The following ANLN variants were observed in gnomAD, a reference collection of about 807,000 sequenced individuals.
ANLN encodes the protein anillin.
A neutral mutation model predicts 135.1 loss-of-function variants in ANLN; 59 were observed. The observed-to-expected ratio is 0.44, with a 90% CI of 0.35 to 0.54. The LOEUF (loss-of-function observed/expected upper bound fraction) is 0.54, where lower values mean the gene tolerates loss of function less well. Among genes scored for constraint, ANLN ranks in the 20% least tolerant of loss-of-function variants. The pLI is 0.00. For synonymous variants in ANLN, 406 were observed against 456.4 expected (o/e 0.89, Z 1.41); for missense variants, 1,182 against 1,340.0 (o/e 0.88, Z 1.84).
chr7:36,452,217 A>G (rs1431828881), intron 23 of ANLN, among the ~76,000 whole-genome samples: 1 of 152,220 alleles, frequency 6.6e-6, no homozygotes, highest in Non-Finnish European at 1.5e-5. Context: ...CTACCTGTAT[A>G]AAACACCTGT....
Position 36,389,933 on chromosome 7 carries a change from T to A in ANLN, c.-94T>A, listed in dbSNP as rs1786348277. The A allele has an allele frequency of 1.2e-6, 2 of 1,608,824 alleles. No homozygotes were observed. The highest frequency in any genetic ancestry group is 1.7e-5 in the Admixed American group (1 of 59,942). ...GAGTTCCCCCGCCTCAGACTCCTGG[T>A]TTTTTCCAGGAGACACACTGAGCTG... On this transcript the variant is annotated 5_prime_UTR_variant, in exon 1 of 24. Transcript: ENST00000265748.
intron 1 of ANLN, among the ~76,000 whole-genome samples, chr7:36,393,140 C>T (rs1786553220): frequency 6.6e-6 from 1 of 151,922 alleles, no homozygotes; most frequent in Non-Finnish European, 1.5e-5. Context: ...TCACCTGCCT[C>T]AGCCTCCCAA....
chr7:36,419,295 C>G lies in ANLN; in HGVS notation c.1685C>G (p.Ser562Trp), dbSNP rs371785488. 1 of 1,613,824 alleles carries G rather than the reference C, an allele frequency of 6.2e-7. No individual in the cohort carries two copies. Among genetic ancestry groups the G allele is most frequent in the South Asian group, 1.1e-5 (1 of 91,036 alleles). ...MSVDDDDINS[S>W]KVINDLFSDV... is the part of the protein sequence containing the mutation. ...GTGGATGATGATGATATCAATAGTT[C>G]GAAAGTAATTAATGACCTCTTCAGT... is the stretch of plus-strand genomic sequence containing the variant. The change falls in exon 10 of 24, where the codon TCG becomes TGG. Residue 562 changes from serine to tryptophan, a missense_variant. By Grantham distance (177) the Ser-to-Trp change is radical. This residue lies in a region of ANLN where 1,022 missense variants were observed against 1,134.0 expected (regional missense o/e 0.90). Transcript: ENST00000265748.
intron 3 of ANLN, among the ~76,000 whole-genome samples, 199 bp downstream of exon 3, chr7:36,399,592 G>A (rs577221705): frequency 6.6e-6 from 1 of 152,276 alleles, no homozygotes; most frequent in East Asian, 1.9e-4. Context: ...TCACGATGTG[G>A]TTCTTGGACT....
At chr7:36,449,174 T>G (rs1789137902) in intron 22 of ANLN, 1 of 152,402 alleles carries the variant, frequency 6.6e-6, no homozygotes, top group Non-Finnish European at 1.5e-5. Flanking sequence ...TTTCCTCCAC[T>G]TTGACTCGTA....
At chr7:36,420,070 A>AT (rs1787810598) in intron 10 of ANLN, 99 bp from the exon 11 acceptor site, 3 of 1,219,826 alleles carry the variant, frequency 2.5e-6, no homozygotes, top group Non-Finnish European at 3.4e-6. Context: ...AGCTTACTGG[A>AT]TTTTTTTCTT....
chr7:36,416,992 C>G, intron 8 of ANLN, 88 bp from the exon 9 acceptor site: 2 of 693,618 alleles, frequency 2.9e-6, no homozygotes, highest in Non-Finnish European at 4.5e-6. Flanking sequence ...GTTTTATAAT[C>G]AGAAAAAAAA....
At position 36,429,223 on chromosome 7, in the gene ANLN, GT is replaced by G. The variant is rs1290312345; in HGVS notation, c.2883+2205del. On this transcript the variant is annotated intron_variant, in intron 20 of 23. Coordinates refer to ENST00000265748, the MANE Select transcript of ANLN (RefSeq NM_018685.5). ...AATATATTTTGGAAGACTTTTTAAAGTTTTTTTTTTGTTTTGAGATAGAGTC... is the reference window on the plus strand; with the variant it reads ...AATATATTTTGGAAGACTTTTTAAAGTTTTTTTTTGTTTTGAGATAGAGTC... 3.4e-5 allele frequency among the ~76,000 whole-genome samples: 5 copies of G among 147,862 alleles called. No homozygotes were observed. The East Asian group carries it at 5.9e-4, about 18-fold the overall frequency.
At chr7:36,445,161 C>CTTTTTTTTTTT (rs70977145) in intron 22 of ANLN, among the ~76,000 whole-genome samples, 4 of 57,786 alleles carry the variant, frequency 6.9e-5, no homozygotes, top group African/African-American at 1.4e-4. Flanking sequence ...ATTTGGGATT[C>CTTTTTTTTTTT]TTTTTTTTTT....
At chr7:36,437,545 C>T (rs571472815) in intron 20 of ANLN, among the ~76,000 whole-genome samples, 2 of 152,126 alleles carry the variant, frequency 1.3e-5, no homozygotes, top group South Asian at 2.1e-4. Flanking sequence ...TTGATAAATA[C>T]CTGGAAGTGG....
In ANLN at chr7:36,389,913, C is replaced by A. The variant is rs1245942504; in HGVS notation, c.-114C>A. 7.5e-6 allele frequency: 12 copies of A among 1,590,844 alleles called. No individual in the cohort carries two copies. In the South Asian group the frequency reaches 1.3e-4, roughly 18 times the overall value. The stretch of plus-strand genomic sequence containing the variant: ...GAGGACAGCTGGTTGTGGGAGAGTT[C>A]CCCCGCCTCAGACTCCTGGTTTTTT... On this transcript the variant is annotated 5_prime_UTR_variant, in exon 1 of 24. Coordinates refer to ENST00000265748, the MANE Select transcript of ANLN (RefSeq NM_018685.5).
chr7:36,413,863 G>A (rs148966089), intron 7 of ANLN, among the ~76,000 whole-genome samples: 5 of 152,158 alleles, frequency 3.3e-5, no homozygotes, highest in African/African-American at 4.8e-5. Flanking sequence ...GCCTGGTGGC[G>A]GGTGCCTGTA....
At chr7:36,443,216 G>A (rs182528214) in intron 21 of ANLN, among the ~76,000 whole-genome samples, 10 of 152,294 alleles carry the variant, frequency 6.6e-5, no homozygotes, top group Non-Finnish European at 1.3e-4. Context: ...GTGTCTCACG[G>A]CCCAGCAGTG....
intron 9 of ANLN, 60 bp from the exon 10 acceptor site, chr7:36,419,184 T>C: frequency 8.0e-7 from 1 of 1,246,666 alleles, no homozygotes; most frequent in South Asian, 1.4e-5. Flanking sequence ...ATTTTCTTTG[T>C]TATGCCTTTA....
Position 36,419,276 on chromosome 7 carries a change from G to C in ANLN, c.1666G>C (p.Asp556His). 6.2e-7 allele frequency: 1 copy of C among 1,613,960 alleles called. No homozygotes were observed. The highest frequency in any genetic ancestry group is 8.5e-7 in the Non-Finnish European group (1 of 1,179,912). Residue 556 changes from aspartate (D) to histidine (H), a missense_variant, in exon 10 of 24, where the codon GAT becomes CAT. This residue lies in a region of ANLN where 1,022 missense variants were observed against 1,134.0 expected (regional missense o/e 0.90). Coordinates refer to ENST00000265748, the MANE Select transcript of ANLN (RefSeq NM_018685.5). ...VIREIEMSVD[D>H]DDINSSKVIN... ...ACGTGAAATTGAGATGAGTGTGGAT[G>C]ATGATGATATCAATAGTTCGAAAGT... is the stretch of plus-strand genomic sequence containing the variant.
In ANLN at chr7:36,423,941, T is replaced by A. The variant is rs1321404829; in HGVS notation, c.2601T>A (p.Thr867=). 1.2e-6 allele frequency: 2 copies of A among 1,606,982 alleles called. No homozygotes were observed. Among genetic ancestry groups the A allele is most frequent in the Non-Finnish European group, 1.7e-6 (2 of 1,176,940 alleles). Residue 867 remains threonine, a splice_region_variant and synonymous_variant, in exon 15 of 24, where the codon ACT becomes ACA. Coordinates refer to ENST00000265748, the MANE Select transcript of ANLN (RefSeq NM_018685.5). ...CTCTGACATTCACTACTACATTTAC[T>A]CTGTAAGTAAATCAGGCTTTTGATG... is the stretch of plus-strand genomic sequence containing the variant. ...GDALTFTTTF[T]LQDVSNDFEI... is the part of the protein sequence containing the mutation.
chr7:36,398,565 ACACTAT>A (rs1786803382), intron 2 of ANLN, among the ~76,000 whole-genome samples: 1 of 152,186 alleles, frequency 6.6e-6, no homozygotes, highest in Non-Finnish European at 1.5e-5. Context: ...TATTGTCTTA[ACACTAT>A]ATAAAGTGTT....
chr7:36,409,234 T>G (rs1333910330), intron 5 of ANLN, among the ~76,000 whole-genome samples: 1 of 152,240 alleles, frequency 6.6e-6, no homozygotes, highest in Non-Finnish European at 1.5e-5. Context: ...GTTTCAGAGA[T>G]ATTTATTTTA....
rs1339830455 is a variant in ANLN, at chr7:36,449,672, T to C, written c.3086T>C (p.Ile1029Thr). 1.2e-6 allele frequency: 2 copies of C among 1,611,718 alleles called. No homozygotes were observed. Residue 1029 changes from isoleucine (I) to threonine (T), a missense_variant, in exon 23 of 24, where the codon ATA (isoleucine) becomes ACA (threonine). Around this residue, in one of 3 missense-constraint regions of ANLN, gnomAD observed 82 missense variants for 133.3 expected, o/e 0.62. Coordinates refer to ENST00000265748, the MANE Select transcript of ANLN (RefSeq NM_018685.5). ...CTTAATTTGTTTTTAAAGAATCCCA[T>C]AGGAAGGATAAATCTGGCTAATTGT... ...YPDDEKRKNP[I>T]GRINLANCTS...
Sources: allele counts gnomAD v4.1 joint callset (sites outside exome capture counted in the v4.1 genomes callset), GRCh38; gene constraint gnomAD v4.1.1; regional missense constraint gnomAD v4.1.1; transcripts MANE v1.5; gene names NCBI Gene and HGNC (gene_info 2026-07-23, HGNC 2026-07-21).